WWOX: variants seen among roughly 807,000 people sequenced by gnomAD.
WWOX encodes the protein WW domain-containing oxidoreductase.
A neutral mutation model predicts 46.2 loss-of-function variants in WWOX; 69 were observed. The ratio of observed to expected loss-of-function variants is 1.49; its 90% CI spans 1.23 to 1.82. The LOEUF is 1.82. Ranked by LOEUF, WWOX falls within the 40% of genes most tolerant of loss-of-function variation. WWOX has a pLI of 0.00. For synonymous variants in WWOX, 359 were observed against 202.6 expected, an observed-to-expected ratio of 1.77 and a Z score of -6.56; for missense variants, 919 against 542.6, an observed-to-expected ratio of 1.69 and a Z score of -6.89.
chr16:78,128,235 AT>A (rs1253771925), intron 4 of WWOX, among the ~76,000 whole-genome samples: 1 of 152,116 alleles, frequency 6.6e-6, no homozygotes, highest in African/African-American at 2.4e-5. Context: ...TTCTGCAAAT[AT>A]CTTCTTCAGG....
At chr16:78,371,740 T>A (rs1222246123) in intron 5 of WWOX, among the ~76,000 whole-genome samples, 1 of 152,226 alleles carries the variant, frequency 6.6e-6, no homozygotes. Context: ...TTTATGTTAA[T>A]ATTTGCTATA....
At chr16:78,822,731 G>A (rs954579737) in intron 8 of WWOX, among the ~76,000 whole-genome samples, 1 of 152,120 alleles carries the variant, frequency 6.6e-6, no homozygotes, top group Non-Finnish European at 1.5e-5. Context: ...ATAAACAGAC[G>A]CTTAGCATAT....
intron 8 of WWOX, among the ~76,000 whole-genome samples, chr16:79,209,145 G>A (rs1027901471): frequency 2.6e-5 from 4 of 152,166 alleles, no homozygotes; most frequent in Non-Finnish European, 4.4e-5. Context: ...TAAAAAGTTA[G>A]GCTTTTCAAA....
At chr16:78,753,840 ATATATATATATATATGTATATG>A (rs1366802622) in intron 8 of WWOX, among the ~76,000 whole-genome samples, 1 of 106,700 alleles carries the variant, frequency 9.4e-6, no homozygotes, top group South Asian at 3.3e-4. Context: ...ATATATATAT[ATATATATATATATATGTATATG>A]TATATGTATA....
intron 8 of WWOX, among the ~76,000 whole-genome samples, chr16:78,963,490 A>G (rs952464638): frequency 5.9e-5 from 9 of 152,156 alleles, no homozygotes; most frequent in African/African-American, 2.2e-4. Context: ...AAATAAACAA[A>G]CAAAAAGCTA....
At chr16:78,913,403 C>G (rs1385810359) in intron 8 of WWOX, among the ~76,000 whole-genome samples, 1 of 151,930 alleles carries the variant, frequency 6.6e-6, no homozygotes. Context: ...TTGGCCCCTT[C>G]TCAACCTGAC....
chr16:78,538,430 T>C (rs1458684449), intron 8 of WWOX, among the ~76,000 whole-genome samples: 1 of 152,122 alleles, frequency 6.6e-6, no homozygotes, highest in African/African-American at 2.4e-5. Flanking sequence ...AGGCCTGGTG[T>C]ATGCACTTCG....
rs573626312 is a variant in WWOX at position 78,444,071 on chromosome 16, C to T, written c.1056+11319C>T. ...GTTTTCCTAGCAAAAACAAAGAGGG[C>T]TGAAACCTGGTGCTCAGAATCGTTT... is the stretch of plus-strand genomic sequence containing the variant. On this transcript the variant is annotated intron_variant, in intron 8 of 8. Coordinates refer to ENST00000566780, the MANE Select transcript of WWOX (RefSeq NM_016373.4). 7.2e-5 allele frequency among the ~76,000 whole-genome samples: 11 copies of T among 152,272 alleles called. No individual in the cohort carries two copies. The South Asian group carries it at 2.3e-3, about 32-fold the overall frequency.
chr16:78,948,385 A>G (rs1597191380), intron 8 of WWOX, among the ~76,000 whole-genome samples: 1 of 152,068 alleles, frequency 6.6e-6, no homozygotes, highest in Admixed American at 6.6e-5. Flanking sequence ...CACCTAACAG[A>G]TCTCAGAACT....
chr16:79,201,511 C>T (rs1037753418), intron 8 of WWOX, among the ~76,000 whole-genome samples: 1 of 152,126 alleles, frequency 6.6e-6, no homozygotes, highest in Non-Finnish European at 1.5e-5. Context: ...CTTGTGCCAT[C>T]AAATTAAGTT....
At chr16:78,664,573 A>G (rs2047287440) in intron 8 of WWOX, among the ~76,000 whole-genome samples, 1 of 152,220 alleles carries the variant, frequency 6.6e-6, no homozygotes, top group Non-Finnish European at 1.5e-5. Flanking sequence ...AGCAGAGTGA[A>G]GAGCTGGCAG....
chr16:78,738,561 G>T (rs575111500), intron 8 of WWOX, among the ~76,000 whole-genome samples: 1 of 152,274 alleles, frequency 6.6e-6, no homozygotes, highest in East Asian at 1.9e-4. Context: ...TTTATTAGAA[G>T]AGTGCAAGTT....
Position 79,126,433 on chromosome 16 carries a change from C to T in WWOX, c.1057-85175C>T, listed in dbSNP as rs543111892. ...GGGGTGGTTTTCCCCATGCTGTTCT[C>T]ATGCTAGTGAGTGAGTTGTCATGAG... On this transcript the variant is annotated intron_variant, in intron 8 of 8. Transcript: ENST00000566780. Among the ~76,000 whole-genome samples the T allele has an allele frequency of 7.9e-5, 12 of 152,228 alleles. No homozygotes were observed. The South Asian group carries it at 2.3e-3, about 29-fold the overall frequency.
At chr16:78,791,178 C>T (rs774381098) in intron 8 of WWOX, among the ~76,000 whole-genome samples, 14 of 152,236 alleles carry the variant, frequency 9.2e-5, no homozygotes, top group Admixed American at 3.3e-4. Context: ...TGACTACCAT[C>T]TGGATGTGGG....
At chr16:78,925,425 C>T (rs147378509) in intron 8 of WWOX, among the ~76,000 whole-genome samples, 45 of 152,242 alleles carry the variant, frequency 3.0e-4, no homozygotes, top group African/African-American at 1.1e-3. Context: ...CACGAAGTTC[C>T]ATGGAATAAT....
At chr16:79,121,842 A>G (rs1175752604) in intron 8 of WWOX, among the ~76,000 whole-genome samples, 1 of 152,188 alleles carries the variant, frequency 6.6e-6, no homozygotes, top group Non-Finnish European at 1.5e-5. Context: ...ACATTGGGAT[A>G]TTAAAACAAT....
At chr16:78,127,771 T>G (rs2033422792) in intron 4 of WWOX, among the ~76,000 whole-genome samples, 1 of 152,198 alleles carries the variant, frequency 6.6e-6, no homozygotes, top group Non-Finnish European at 1.5e-5. Flanking sequence ...TTTTTGATCA[T>G]ATCCAAAAAG....
intron 5 of WWOX, among the ~76,000 whole-genome samples, chr16:78,240,173 T>A (rs1190725238): frequency 6.6e-6 from 1 of 152,106 alleles, no homozygotes; most frequent in African/African-American, 2.4e-5. Context: ...CAATGACGGT[T>A]ATCCTCATGA....
chr16:78,827,302 T>C (rs141221841), intron 8 of WWOX, among the ~76,000 whole-genome samples: 1 of 152,102 alleles, frequency 6.6e-6, no homozygotes, highest in Non-Finnish European at 1.5e-5. Flanking sequence ...GCAGATGACA[T>C]CAAAGCACCA....
Sources: gnomAD v4.1 joint callset for allele counts (sites outside exome capture counted in the v4.1 genomes callset) on GRCh38, gnomAD v4.1.1 for gene constraint, MANE v1.5 for transcripts, NCBI Gene and HGNC (gene_info 2026-07-23, HGNC 2026-07-21) for gene names.